The following NUP133 variants were observed in gnomAD, a reference collection of about 807,000 sequenced individuals.
NUP133 encodes nuclear pore complex protein Nup133.
Under a neutral mutation model 146.2 loss-of-function variants are expected in NUP133, and 66 were observed. The observed-to-expected ratio is 0.45, with a 90% CI of 0.37 to 0.55. The LOEUF is 0.55. NUP133 is among the 20% of genes least tolerant of loss of function. The pLI, the probability that NUP133 is intolerant of heterozygous loss-of-function variation, is 0.00. For synonymous variants in NUP133, 521 were observed against 498.8 expected (o/e 1.04, Z -0.59); for missense variants, 1,277 against 1,374.8 (o/e 0.93, Z 1.12).
At chr1:229,491,577 G>A (rs1558105528) in intron 8 of NUP133, among the ~76,000 whole-genome samples, 1 of 152,110 alleles carries the variant, frequency 6.6e-6, no homozygotes, top group African/African-American at 2.4e-5. Flanking sequence ...CCAGGAATTC[G>A]AGACCAGCCT....
rs1452597953 is a variant in NUP133, at chr1:229,458,264, C to T, written c.2877G>A (p.Met959Ile). 6.2e-7 allele frequency: 1 copy of T among 1,613,214 alleles called. No homozygotes were observed. The highest frequency in any genetic ancestry group is 8.5e-7 in the Non-Finnish European group (1 of 1,179,540). The change falls in exon 21 of 26, where the codon ATG becomes ATA. Residue 959 changes from methionine to isoleucine, a missense_variant. Around this residue, in one of 3 missense-constraint regions of NUP133, gnomAD observed 952 missense variants for 1,047.0 expected, o/e 0.91. Coordinates refer to ENST00000261396, the MANE Select transcript of NUP133 (RefSeq NM_018230.3). ...TCTTCTTTGCAAAGTAACGAGTTTCCATATTTGCCAAACCCAGAAGTGTTG... is the reference window on the plus strand; with the variant it reads ...TCTTCTTTGCAAAGTAACGAGTTTCTATATTTGCCAAACCCAGAAGTGTTG... ...AHATLLGLANMETRYFAKKKT... is the reference protein window; with the variant it reads ...AHATLLGLANIETRYFAKKKT...
In NUP133 at chr1:229,449,182, A is replaced by G; in HGVS notation, c.3189T>C (p.Asp1063=). ...DLLEYIDEEE[D]ININDLKLEI... is the part of the protein sequence containing the mutation. ...CCAGTTTTAGATCATTTATATTTATATCTTCTTCCTTCACAGCAAAACAAA... is the reference window on the plus strand; with the variant it reads ...CCAGTTTTAGATCATTTATATTTATGTCTTCTTCCTTCACAGCAAAACAAA... Residue 1063 remains aspartate (D), a synonymous_variant, in exon 24 of 26, where the codon GAT becomes GAC. Coordinates refer to ENST00000261396, the MANE Select transcript of NUP133 (RefSeq NM_018230.3). The G allele has an allele frequency of 1.9e-6, 3 of 1,606,584 alleles. No homozygotes were observed. Among genetic ancestry groups the G allele is most frequent in the Middle Eastern group, 1.7e-4 (1 of 5,756 alleles).
At chr1:229,495,137 G>A (rs1027157988) in intron 8 of NUP133, among the ~76,000 whole-genome samples, 2 of 152,098 alleles carry the variant, frequency 1.3e-5, no homozygotes, top group African/African-American at 4.8e-5. Flanking sequence ...ACCCGTAATC[G>A]CAATACTTTG....
Sources: gnomAD v4.1 joint callset for allele counts (sites outside exome capture counted in the v4.1 genomes callset) on GRCh38, gnomAD v4.1.1 for gene constraint, gnomAD v4.1.1 regional missense constraint, MANE v1.5 for transcripts, NCBI Gene and HGNC (gene_info 2026-07-23, HGNC 2026-07-21) for gene names.